MLLT1: variants seen among roughly 807,000 people sequenced by gnomAD.
MLLT1 encodes the protein protein ENL.
Under a neutral mutation model 55.1 loss-of-function variants are expected in MLLT1, and 11 were observed. The ratio of observed to expected loss-of-function variants is 0.20; its 90% CI spans 0.13 to 0.33. The LOEUF (loss-of-function observed/expected upper bound fraction) is 0.33. MLLT1 is among the 10% of genes least tolerant of loss of function. MLLT1 has a pLI of 1.00. For missense variants in MLLT1, 536 were observed against 760.6 expected, an observed-to-expected ratio of 0.70 and a Z score of 3.47; for synonymous variants, 323 against 320.1, an observed-to-expected ratio of 1.01 and a Z score of -0.10.
At position 6,217,211 on chromosome 19, in the gene MLLT1, G is replaced by A. The variant is rs544804120; in HGVS notation, c.1199-698C>T. ...CCCCCAGCCCCCTCGGCAACTGCAC[G>A]GCTGAATTCCAGGCCAGACTCCCTC... On this transcript the variant is annotated intron_variant, in intron 7 of 11. Transcript: ENST00000252674. 2.5e-4 allele frequency among the ~76,000 whole-genome samples: 38 copies of A among 152,064 alleles called. No homozygotes were observed. The South Asian group carries it at 5.4e-3, about 22-fold the overall frequency.
At position 6,241,328 on chromosome 19, in the gene MLLT1, G is replaced by A. The variant is rs112064631; in HGVS notation, c.277-10615C>T. Among the ~76,000 whole-genome samples the A allele has an allele frequency of 2.7e-3, 410 of 152,324 alleles. 2 individuals are homozygous for A. The highest frequency in any genetic ancestry group is 9.4e-3 in the African/African-American group (391 of 41,560). On this transcript the variant is annotated intron_variant, in intron 3 of 11. Coordinates refer to ENST00000252674, the MANE Select transcript of MLLT1 (RefSeq NM_005934.4). ...CAGGGTCCATTCAGGGCTCCAGGGC[G>A]CCAGGCCCCTAGCACCCCCGCTGGA...
At chr19:6,252,004 G>A (rs940309340) in intron 3 of MLLT1, among the ~76,000 whole-genome samples, 2 of 152,154 alleles carry the variant, frequency 1.3e-5, no homozygotes, top group South Asian at 2.1e-4. Flanking sequence ...CATTATTTCT[G>A]GGTGTGTCTA....
At position 6,230,693 on chromosome 19, in the gene MLLT1, G is replaced by A; in HGVS notation, c.297C>T (p.Cys99=). 2 of 1,614,076 alleles carry A rather than the reference G, an allele frequency of 1.2e-6. No homozygotes were observed. The highest frequency in any genetic ancestry group is 1.7e-6 in the Non-Finnish European group (2 of 1,180,018). Residue 99 remains cysteine (C), a synonymous_variant, in exon 4 of 12, where the codon TGC becomes TGT. Coordinates refer to ENST00000252674, the MANE Select transcript of MLLT1 (RefSeq NM_005934.4). The surrounding 1 kb of genome is among the most constrained non-coding windows in gnomAD (Gnocchi z 9.0). ...GGTTCAGGAACAGGTCGTAGGTGAA[G>A]CAGACCTTCCTCGGCTCCTCCTGAA... The part of the protein sequence containing the change: ...FKNKEEPRKV[C]FTYDLFLNLE...
At chr19:6,274,592 G>A (rs916376889) in intron 1 of MLLT1, among the ~76,000 whole-genome samples, 3 of 152,194 alleles carry the variant, frequency 2.0e-5, no homozygotes, top group African/African-American at 4.8e-5. Context: ...AATGCCTGCT[G>A]CTGGGAGGCC....
chr19:6,238,222 G>A (rs1270678603), intron 3 of MLLT1, among the ~76,000 whole-genome samples: 1 of 152,250 alleles, frequency 6.6e-6, no homozygotes, highest in Non-Finnish European at 1.5e-5. Context: ...GGAACTAGCT[G>A]CAGGCTCTAG....
intron 3 of MLLT1, among the ~76,000 whole-genome samples, chr19:6,261,503 C>T (rs1024079031): frequency 7.9e-5 from 12 of 152,134 alleles, no homozygotes; most frequent in African/African-American, 2.9e-4. Context: ...AGCGTTGCCT[C>T]CATGCCGGGC....
At chr19:6,266,980 G>C (rs906652312) in intron 2 of MLLT1, among the ~76,000 whole-genome samples, 2 of 152,158 alleles carry the variant, frequency 1.3e-5, no homozygotes, top group African/African-American at 4.8e-5. Context: ...AAACAAGCCA[G>C]AAAGCCAGGT....
intron 3 of MLLT1, among the ~76,000 whole-genome samples, chr19:6,242,404 G>A (rs1174086352): frequency 2.0e-5 from 3 of 152,190 alleles, no homozygotes; most frequent in African/African-American, 4.8e-5. Flanking sequence ...AACTCTCCAC[G>A]TAATGCCCTT....
chr19:6,213,585 G>A (rs2090803500), intron 10 of MLLT1, 141 bp downstream of exon 10: 5 of 1,002,144 alleles, frequency 5.0e-6, no homozygotes, highest in South Asian at 1.4e-5. Flanking sequence ...CACACCGGGA[G>A]GGGAGGAAGG....
At chr19:6,263,973 C>A (rs909509932) in intron 2 of MLLT1, among the ~76,000 whole-genome samples, 3 of 151,978 alleles carry the variant, frequency 2.0e-5, no homozygotes, top group Non-Finnish European at 4.4e-5. Context: ...GCGACTGCCA[C>A]TGCGGGGCCT....
intron 1 of MLLT1, among the ~76,000 whole-genome samples, chr19:6,278,888 G>C (rs1216646114): frequency 1.3e-5 from 2 of 152,136 alleles, no homozygotes; most frequent in Non-Finnish European, 2.9e-5. Context: ...GAGGCGGCAG[G>C]GTGGGTCAAA....
Position 6,262,793 on chromosome 19 carries a change from G to C in MLLT1, c.194-483C>G, listed in dbSNP as rs1314688040. On this transcript the variant is annotated intron_variant, in intron 2 of 11. Transcript: ENST00000252674. This position sits in a 1 kb window ranked among gnomAD's most constrained non-coding sequence, Gnocchi z 4.4. ...TGCACTGGGAGACAGGGGAGCCCCA[G>C]GTGGCTGGGACCCTCCTCCTGGGTT... 6.6e-6 allele frequency among the ~76,000 whole-genome samples: 1 copy of C among 152,114 alleles called. No homozygotes were observed. The highest frequency in any genetic ancestry group is 1.5e-5 in the Non-Finnish European group (1 of 68,018).
At chr19:6,249,835 C>T (rs2144915995) in intron 3 of MLLT1, among the ~76,000 whole-genome samples, 1 of 152,190 alleles carries the variant, frequency 6.6e-6, no homozygotes, top group South Asian at 2.1e-4. Flanking sequence ...CCAGCCTGGG[C>T]AACATGGCAA....
rs371986985 is a variant in MLLT1 at position 6,218,018 on chromosome 19, G to A, written c.1134C>T (p.Asn378=). Residue 378 remains asparagine, a synonymous_variant, in exon 7 of 12, where the codon AAC becomes AAT. Coordinates refer to ENST00000252674, the MANE Select transcript of MLLT1 (RefSeq NM_005934.4). ...KSESAQSSPS[N]SSSSSDSSSD... ...AGCTGGAGTCTGAGCTGGAGCTGGA[G>A]TTGGACGGGCTTGACTGGGCAGACT... The A allele has an allele frequency of 7.5e-6, 12 of 1,610,398 alleles. No individual in the cohort carries two copies. The African/African-American group carries it at 1.6e-4, about 22-fold the overall frequency.
At chr19:6,277,954 A>C (rs1250482006) in intron 1 of MLLT1, among the ~76,000 whole-genome samples, 1 of 152,184 alleles carries the variant, frequency 6.6e-6, no homozygotes, top group Non-Finnish European at 1.5e-5. Context: ...TTACCTCTTA[A>C]GAAGAAGGCA....
Position 6,256,513 on chromosome 19 carries a change from G to A in MLLT1, c.276+5715C>T, listed in dbSNP as rs886096648. On this transcript the variant is annotated intron_variant, in intron 3 of 11. Transcript: ENST00000252674. The surrounding 1 kb of genome is among the most constrained non-coding windows in gnomAD (Gnocchi z 4.1). ...CTCACGCCTGTAATCTCAGCACTTT[G>A]GGAGGCCGAGGTGGGTGGATCATGA... Among the ~76,000 whole-genome samples the A allele has an allele frequency of 6.6e-6, 1 of 152,022 alleles. No individual in the cohort carries two copies. The highest frequency in any genetic ancestry group is 6.6e-5 in the Admixed American group (1 of 15,264).
intron 5 of MLLT1, among the ~76,000 whole-genome samples, chr19:6,223,978 G>A (rs961885877): frequency 5.3e-5 from 8 of 152,192 alleles, no homozygotes; most frequent in Non-Finnish European, 1.0e-4. Context: ...AAGGCCCTGG[G>A]GAGGGGCTCC....
Position 6,213,959 on chromosome 19 carries a change from G to T in MLLT1, c.1387C>A (p.Pro463Thr). 1 of 1,451,410 alleles carries T rather than the reference G, an allele frequency of 6.9e-7. No homozygotes were observed. The highest frequency in any genetic ancestry group is 9.1e-7 in the Non-Finnish European group (1 of 1,099,192). 89.9% of individuals were successfully genotyped at this position (1,451,410 alleles called of 1,614,324 possible). The change falls in exon 9 of 12, where the codon CCA becomes ACA. Residue 463 changes from proline (P) to threonine (T), a missense_variant. Pro to Thr is a conservative substitution (Grantham distance 38). Transcript: ENST00000252674. Reference sequence around the variant, plus strand: ...CTCACCTTGCTGTTGGGCGGGGGTGGCTTCTGGGGGGGTGGGGGCTCACGG... The same window carrying T: ...CTCACCTTGCTGTTGGGCGGGGGTGTCTTCTGGGGGGGTGGGGGCTCACGG... ...PSREPPPPQK[P>T]PPPNSKVSGR...
At position 6,211,175 on chromosome 19, in the gene MLLT1, G is replaced by A. The variant is rs971633562; in HGVS notation, c.*1867C>T. On this transcript the variant is annotated 3_prime_UTR_variant, in exon 12 of 12. Coordinates refer to ENST00000252674, the MANE Select transcript of MLLT1 (RefSeq NM_005934.4). The surrounding 1 kb of genome is among the most constrained non-coding windows in gnomAD (Gnocchi z 4.6). The stretch of plus-strand genomic sequence containing the variant: ...ACGGGCCCCCGGTCAGCCCCCCTCA[G>A]GCCAGTTCCTTCAGTCCAATGTCTT... 1.7e-5 allele frequency: 4 copies of A among 232,782 alleles called. No individual in the cohort carries two copies. Among genetic ancestry groups the A allele is most frequent in the Admixed American group, 5.6e-5 (1 of 17,768 alleles). The allele number at this position is 232,782 out of a possible 1,614,324, so 14.4% of individuals were successfully genotyped here. A position where few individuals can be genotyped will look rare whatever the true frequency, so the allele number is the denominator to read the frequency against.
Sources: allele counts gnomAD v4.1 joint callset (sites outside exome capture counted in the v4.1 genomes callset), GRCh38; gene constraint gnomAD v4.1.1; non-coding constraint Gnocchi (gnomAD v3.1); transcripts MANE v1.5; gene names NCBI Gene and HGNC (gene_info 2026-07-23, HGNC 2026-07-21).